Variants in CCHCR1 observed in about 807,000 individuals in gnomAD.
CCHCR1 encodes HCR (a-helix coiled-coil rod homologue).
In CCHCR1, 91 loss-of-function variants were observed where a neutral mutation model predicts 114.6. The observed-to-expected ratio is 0.79, with a 90% confidence interval of 0.67 to 0.94. The LOEUF is 0.94. Ranked by LOEUF, CCHCR1 falls within the 40% of genes least tolerant of loss-of-function variation. The probability of loss-of-function intolerance (pLI) is 0.00; values close to 1 mark genes in which losing one functional copy is unlikely to be tolerated. For missense variants in CCHCR1, 899 were observed against 1,079.9 expected, an observed-to-expected ratio of 0.83 and a Z score of 2.35; for synonymous variants, 379 against 428.5, an observed-to-expected ratio of 0.88 and a Z score of 1.43.
rs779840652 is a variant in CCHCR1 at position 31,151,156 on chromosome 6, G to A, written c.802-34C>T. ...AGAAGAGGGGGCTCAGCAGAGGCTCGACCCCACATGGAGGCCTTCCTTGTT... is the reference window on the plus strand; with the variant it reads ...AGAAGAGGGGGCTCAGCAGAGGCTCAACCCCACATGGAGGCCTTCCTTGTT... On this transcript the variant is annotated intron_variant, in intron 4 of 17. Transcript: ENST00000396268. The surrounding 1 kb of genome is among the most constrained non-coding windows in gnomAD (Gnocchi z 4.1). 70 of 1,592,582 alleles carry A rather than the reference G, an allele frequency of 4.4e-5. No homozygotes were observed. The highest frequency in any genetic ancestry group is 5.7e-5 in the South Asian group (5 of 88,180).
Position 31,154,525 on chromosome 6 carries a change from C to A in CCHCR1, c.772G>T (p.Glu258Ter). The change falls in exon 4 of 18, where the codon GAA becomes TAA. Residue 258 changes from glutamate to a stop codon, truncating the protein, a stop_gained. Coordinates refer to ENST00000396268, the MANE Select transcript of CCHCR1 (RefSeq NM_001105564.2). LOFTEE classifies it high-confidence loss of function. The surrounding 1 kb of genome is among the most constrained non-coding windows in gnomAD (Gnocchi z 4.1). ...TCTTGGTGCAGCCTCTGAACCTCTT[C>A]CAGCTCCCGCTGGCTCCCCTCTTCC... Reference protein sequence around the residue: ...NLEEGSQRELEEVQRLHQEQL... With the variant: ...NLEEGSQREL The A allele has an allele frequency of 6.2e-7, 1 of 1,612,686 alleles. No individual in the cohort carries two copies. Among genetic ancestry groups the A allele is most frequent in the Non-Finnish European group, 8.5e-7 (1 of 1,179,700 alleles).
At position 31,150,205 on chromosome 6, in the gene CCHCR1, G is replaced by A; in HGVS notation, c.1223C>T (p.Ser408Leu). ...GGTAAACTCAGGCTCCAGGGAATCT[G>A]AAGGTTGAACCTGAGGGAGAAGGAG... ...EEELTRKVQPSDSLEPEFTRK... is the reference protein window; with the variant it reads ...EEELTRKVQPLDSLEPEFTRK... The change falls in exon 8 of 18, where the codon TCA becomes TTA. Residue 408 changes from serine to leucine, a missense_variant. By Grantham distance (145) the Ser-to-Leu change is moderately radical. Transcript: ENST00000396268. This position sits in a 1 kb window ranked among gnomAD's most constrained non-coding sequence, Gnocchi z 5.3. 1 of 1,614,158 alleles carries A rather than the reference G, an allele frequency of 6.2e-7. No individual in the cohort carries two copies. Among genetic ancestry groups the A allele is most frequent in the South Asian group, 1.1e-5 (1 of 91,082 alleles).
At position 31,144,803 on chromosome 6, in the gene CCHCR1, C is replaced by T; in HGVS notation, c.2066-15G>A. ...TTCTTGCAGGGCTGGGGTGAAAGTG[C>T]AGACGGGGCATATCAGCAGGAGCTT... On this transcript the variant is annotated splice_polypyrimidine_tract_variant and intron_variant, in intron 14 of 17. Coordinates refer to ENST00000396268, the MANE Select transcript of CCHCR1 (RefSeq NM_001105564.2). The surrounding 1 kb of genome is among the most constrained non-coding windows in gnomAD (Gnocchi z 4.6). The T allele has an allele frequency of 6.2e-7, 1 of 1,612,446 alleles. No homozygotes were observed. Among genetic ancestry groups the T allele is most frequent in the Non-Finnish European group, 8.5e-7 (1 of 1,178,568 alleles).
chr6:31,149,940 T>C, intron 8 of CCHCR1, 126 bp downstream of exon 8: 1 of 995,878 alleles, frequency 1.0e-6, no homozygotes. Context: ...CACATTTTAG[T>C]TTTGTTCAGG....
At position 31,143,802 on chromosome 6, in the gene CCHCR1, T is replaced by C. The variant is rs924044507; in HGVS notation, c.2168-389A>G. On this transcript the variant is annotated intron_variant, in intron 15 of 17. Coordinates refer to ENST00000396268, the MANE Select transcript of CCHCR1 (RefSeq NM_001105564.2). The surrounding 1 kb of genome is among the most constrained non-coding windows in gnomAD (Gnocchi z 5.3). ...TTACTTAGGCGTGGTGGCTCACGCC[T>C]ATAATCCCAGCACTTTGGGATGCCA... 2.0e-5 allele frequency among the ~76,000 whole-genome samples: 3 copies of C among 152,226 alleles called. No homozygotes were observed. The highest frequency in any genetic ancestry group is 7.2e-5 in the African/African-American group (3 of 41,456).
chr6:31,150,816 T>C lies in CCHCR1; in HGVS notation c.1010A>G (p.Asn337Ser). 3 of 1,613,092 alleles carry C rather than the reference T, an allele frequency of 1.9e-6. No homozygotes were observed. Among genetic ancestry groups the C allele is most frequent in the Non-Finnish European group, 2.5e-6 (3 of 1,180,014 alleles). Reference sequence around the variant, plus strand: ...TTGTTCCCCAACATATTTTCTTAGATTCTCAACCAGGGTCACCTGAGCCTC... The same window carrying C: ...TTGTTCCCCAACATATTTTCTTAGACTCTCAACCAGGGTCACCTGAGCCTC... ...DLEAQVTLVENLRKYVGEQVP... is the reference protein window; with the variant it reads ...DLEAQVTLVESLRKYVGEQVP... Residue 337 changes from asparagine (N) to serine (S), a missense_variant, in exon 6 of 18, where the codon AAT becomes AGT. Coordinates refer to ENST00000396268, the MANE Select transcript of CCHCR1 (RefSeq NM_001105564.2). This position sits in a 1 kb window ranked among gnomAD's most constrained non-coding sequence, Gnocchi z 5.3.
At position 31,144,494 on chromosome 6, in the gene CCHCR1, C is replaced by T; in HGVS notation, c.2167+193G>A. The T allele has an allele frequency of 1.7e-6, 1 of 574,972 alleles. No individual in the cohort carries two copies. The highest frequency in any genetic ancestry group is 3.1e-6 in the Non-Finnish European group (1 of 327,458). The allele number at this position is 574,972 out of a possible 1,614,324, so 35.6% of individuals were successfully genotyped here. On this transcript the variant is annotated intron_variant, in intron 15 of 17. Transcript: ENST00000396268. The surrounding 1 kb of genome is among the most constrained non-coding windows in gnomAD (Gnocchi z 4.6). ...ACAGGCATAAGCCACCGCGACCGGCCATATGCTGTTTCTTAATCTGGTGCT... is the reference window on the plus strand; with the variant it reads ...ACAGGCATAAGCCACCGCGACCGGCTATATGCTGTTTCTTAATCTGGTGCT...
chr6:31,142,449 G>A lies in CCHCR1; in HGVS notation c.*143C>T, dbSNP rs1270966386. 2 of 653,600 alleles carry A rather than the reference G, an allele frequency of 3.1e-6. No homozygotes were observed. Among genetic ancestry groups the A allele is most frequent in the African/African-American group, 1.8e-5 (1 of 55,558 alleles). The allele number at this position is 653,600 out of a possible 1,614,324, so 40.5% of individuals were successfully genotyped here. ...TTTCCAAACAATGGCTCCTTCTGTA[G>A]TCGTCTTTATTTAGAGCAGAATTCA... On this transcript the variant is annotated 3_prime_UTR_variant, in exon 18 of 18. Coordinates refer to ENST00000396268, the MANE Select transcript of CCHCR1 (RefSeq NM_001105564.2).
rs72856713 is a variant in CCHCR1, at chr6:31,154,181, C to G, written c.801+315G>C. On this transcript the variant is annotated intron_variant, in intron 4 of 17. Coordinates refer to ENST00000396268, the MANE Select transcript of CCHCR1 (RefSeq NM_001105564.2). This position sits in a 1 kb window ranked among gnomAD's most constrained non-coding sequence, Gnocchi z 4.1. ...CCCCTTATACCCACCTTCCTCACTG[C>G]CCTCCACAATACCCCTGATGAATTG... 0.085 allele frequency among the ~76,000 whole-genome samples: 12,879 copies of G among 152,138 alleles called. 664 individuals carry two copies. The highest frequency in any genetic ancestry group is 0.16 in the Middle Eastern group (46 of 294).
At position 31,151,934 on chromosome 6, in the gene CCHCR1, T is replaced by G. The variant is rs1211756807; in HGVS notation, c.802-812A>C. The stretch of plus-strand genomic sequence containing the variant: ...TCTCCATACAACAATAAAATTAATT[T>G]GGGGGACATAAATGACAAAATTTTT... On this transcript the variant is annotated intron_variant, in intron 4 of 17. Transcript: ENST00000396268. The surrounding 1 kb of genome is among the most constrained non-coding windows in gnomAD (Gnocchi z 4.1). Among the ~76,000 whole-genome samples the G allele has an allele frequency of 6.6e-6, 1 of 152,112 alleles. No individual in the cohort carries two copies. Among genetic ancestry groups the G allele is most frequent in the Non-Finnish European group, 1.5e-5 (1 of 68,026 alleles).
rs755176353 is a variant in CCHCR1 at position 31,150,999 on chromosome 6, C to A, written c.925G>T (p.Glu309Ter). ...RRAGEAKELAEAQREAELLRK... is the reference protein window; with the variant it reads ...RRAGEAKELA ...AGCAGCTCGGCCTCCCTCTGAGCCT[C>A]GGCCAGCTCCTTGGCTTCCCCTGCT... Residue 309 changes from glutamate to a stop codon, truncating the protein, a stop_gained, in exon 5 of 18, where the codon GAG (glutamate) becomes TAG (stop). Coordinates refer to ENST00000396268, the MANE Select transcript of CCHCR1 (RefSeq NM_001105564.2). LOFTEE classifies it high-confidence loss of function. The surrounding 1 kb of genome is among the most constrained non-coding windows in gnomAD (Gnocchi z 5.3). 28 of 1,612,898 alleles carry A rather than the reference C, an allele frequency of 1.7e-5. No individual in the cohort carries two copies. The highest frequency in any genetic ancestry group is 8.5e-7 in the Non-Finnish European group (1 of 1,180,040).
intron 10 of CCHCR1, among the ~76,000 whole-genome samples, chr6:31,146,504 G>A (rs951237678): frequency 5.3e-5 from 8 of 152,166 alleles, no homozygotes; most frequent in Admixed American, 2.6e-4. Flanking sequence ...CCAGGAGGAG[G>A]CCAAGGAGTG....
intron 11 of CCHCR1, 25 bp downstream of exon 11, chr6:31,145,671 C>T (rs1347589352): frequency 1.9e-6 from 3 of 1,562,832 alleles, no homozygotes; most frequent in Non-Finnish European, 1.8e-6. Flanking sequence ...GGGGGCAGGA[C>T]GTGGCTCGCA....
rs1201780518 is a variant in CCHCR1, at chr6:31,151,519, G to C, written c.802-397C>G. 2.0e-5 allele frequency among the ~76,000 whole-genome samples: 3 copies of C among 152,136 alleles called. No individual in the cohort carries two copies. The highest frequency in any genetic ancestry group is 7.2e-5 in the African/African-American group (3 of 41,430). Reference sequence around the variant, plus strand: ...CCTACCTCCTGAGCTCACCCTGGAGGCTCTCCCACTGCTCCCCGCTCCGGC... The same window carrying C: ...CCTACCTCCTGAGCTCACCCTGGAGCCTCTCCCACTGCTCCCCGCTCCGGC... On this transcript the variant is annotated intron_variant, in intron 4 of 17. Coordinates refer to ENST00000396268, the MANE Select transcript of CCHCR1 (RefSeq NM_001105564.2). The surrounding 1 kb of genome is among the most constrained non-coding windows in gnomAD (Gnocchi z 4.1).
intron 8 of CCHCR1, chr6:31,149,800 C>T (rs1265113): frequency 4.4e-5 from 19 of 436,186 alleles, no homozygotes; most frequent in African/African-American, 2.0e-5. Flanking sequence ...GTCAGGAGTT[C>T]AAGACCAAAG....
chr6:31,145,495 TGGAGG>T lies in CCHCR1; in HGVS notation c.1694-7_1694-3del, dbSNP rs1318773086. ...GGGCAAGCTTTCGAGCAATCAGGCC[TGGAGG>T]GGAAAAAGCAGGGAGAAAAAGAGAT... On this transcript the variant is annotated splice_polypyrimidine_tract_variant and splice_region_variant and intron_variant, in intron 11 of 17. Coordinates refer to ENST00000396268, the MANE Select transcript of CCHCR1 (RefSeq NM_001105564.2). 3.1e-6 allele frequency: 5 copies of T among 1,610,462 alleles called. No homozygotes were observed. Among genetic ancestry groups the T allele is most frequent in the Non-Finnish European group, 4.2e-6 (5 of 1,178,908 alleles).
At chr6:31,153,531 G>A (rs967440397) in intron 4 of CCHCR1, among the ~76,000 whole-genome samples, 33 of 151,948 alleles carry the variant, frequency 2.2e-4, no homozygotes, top group Admixed American at 2.0e-3. Flanking sequence ...GAAAGGCCTT[G>A]CCCACTACAA....
Position 31,156,802 on chromosome 6 carries a change from G to A in CCHCR1, c.426C>T (p.Thr142=), listed in dbSNP as rs1186394264. 1 of 1,612,866 alleles carries A rather than the reference G, an allele frequency of 6.2e-7. No individual in the cohort carries two copies. Among genetic ancestry groups the A allele is most frequent in the Non-Finnish European group, 8.5e-7 (1 of 1,179,994 alleles). The change falls in exon 3 of 18, where the codon ACC becomes ACT. Residue 142 remains threonine (T), a synonymous_variant. Transcript: ENST00000396268. ...HQDVSERRLD[T]QRPQVTMWER... ...CCCACATGGTCACTTGAGGTCTCTG[G>A]GTGTCTAGCCGCCTCTCTGAGACAT... is the stretch of plus-strand genomic sequence containing the variant.
At chr6:31,149,275 C>G (rs984960374) in intron 8 of CCHCR1, 1 of 154,996 alleles carries the variant, frequency 6.5e-6, no homozygotes, top group Non-Finnish European at 1.4e-5. Flanking sequence ...TGTGCCCACT[C>G]AAAGATGGGA....
Sources: allele counts gnomAD v4.1 joint callset (sites outside exome capture counted in the v4.1 genomes callset), GRCh38; gene constraint gnomAD v4.1.1; non-coding constraint Gnocchi (gnomAD v3.1); transcripts MANE v1.5; gene names NCBI Gene and HGNC (gene_info 2026-07-23, HGNC 2026-07-21).